The following STK32B variants were observed in gnomAD, a reference collection of about 807,000 sequenced individuals.
STK32B encodes the protein serine/threonine-protein kinase 32B.
STK32B carries 43 observed loss-of-function variants against 52.6 expected under a neutral mutation model. That is an observed-to-expected ratio of 0.82 (90% CI 0.64 to 1.05). The LOEUF is 1.05. Ranked by LOEUF, STK32B falls within the 50% of genes least tolerant of loss-of-function variation. The probability of loss-of-function intolerance (pLI) is 0.00; values close to 1 mark genes in which losing one functional copy is unlikely to be tolerated. For synonymous variants in STK32B, 238 were observed against 204.3 expected (o/e 1.17, Z -1.41); for missense variants, 621 against 534.6 (o/e 1.16, Z -1.59).
At chr4:5,192,711 G>C (rs528483572) in intron 3 of STK32B, among the ~76,000 whole-genome samples, 1 of 149,082 alleles carries the variant, frequency 6.7e-6, no homozygotes, top group Admixed American at 6.7e-5. Context: ...ACCTCACACA[G>C]TCACCTTTTT....
chr4:5,424,905 CCT>C (rs1300453968), intron 6 of STK32B, among the ~76,000 whole-genome samples: 3 of 152,222 alleles, frequency 2.0e-5, no homozygotes, highest in Non-Finnish European at 4.4e-5. Context: ...GCTGTGATGC[CCT>C]CTTTGGGGCT....
intron 3 of STK32B, among the ~76,000 whole-genome samples, chr4:5,255,974 C>T (rs984016338): frequency 1.3e-5 from 2 of 152,038 alleles, no homozygotes; most frequent in Non-Finnish European, 2.9e-5. Flanking sequence ...ACACAGAGCC[C>T]GTAGCATGTG....
chr4:5,451,326 G>T (rs1043459630), intron 7 of STK32B, among the ~76,000 whole-genome samples: 1 of 152,156 alleles, frequency 6.6e-6, no homozygotes, highest in Admixed American at 6.5e-5. Context: ...GGAAGCTAGG[G>T]CTGATTCAAC....
chr4:5,382,945 C>G (rs1034015190), intron 4 of STK32B, among the ~76,000 whole-genome samples: 4 of 152,180 alleles, frequency 2.6e-5, no homozygotes, highest in Non-Finnish European at 5.9e-5. Flanking sequence ...GGCTCTCTGA[C>G]TCTTATGCGT....
Position 5,331,366 on chromosome 4 carries a change from A to G in STK32B, c.407A>G (p.Tyr136Cys). 6.2e-7 allele frequency: 1 copy of G among 1,613,240 alleles called. No homozygotes were observed. The highest frequency in any genetic ancestry group is 8.5e-7 in the Non-Finnish European group (1 of 1,179,574). ...TGTGAGCTGGCACTGGCCCTGGAGTATCTTCAGAGGTACCACATCATCCAC... is the reference window on the plus strand; with the variant it reads ...TGTGAGCTGGCACTGGCCCTGGAGTGTCTTCAGAGGTACCACATCATCCAC... Reference protein sequence around the residue: ...YICELALALEYLQRYHIIHRD... With the variant: ...YICELALALECLQRYHIIHRD... The change falls in exon 4 of 12, where the codon TAT becomes TGT. Residue 136 changes from tyrosine (Y) to cysteine (C), a missense_variant. Tyr to Cys is a radical substitution (Grantham distance 194). Coordinates refer to ENST00000282908, the MANE Select transcript of STK32B (RefSeq NM_018401.3).
chr4:5,029,946 A>G, the STK32B span, among the ~76,000 whole-genome samples: 1 of 152,166 alleles, frequency 6.6e-6, no homozygotes, highest in South Asian at 2.1e-4. Context: ...ATGAGTTTTC[A>G]TGAGATCTGA....
intron 1 of STK32B, among the ~76,000 whole-genome samples, chr4:5,109,170 A>G (rs1220873885): frequency 6.6e-6 from 1 of 152,190 alleles, no homozygotes; most frequent in Non-Finnish European, 1.5e-5. Flanking sequence ...ACATCTCAGA[A>G]TCTCAGGATA....
At chr4:5,489,346 A>T (rs1354861814) in intron 11 of STK32B, among the ~76,000 whole-genome samples, 4 of 152,214 alleles carry the variant, frequency 2.6e-5, no homozygotes, top group African/African-American at 9.6e-5. Context: ...CCTAAGCAAG[A>T]ACCCTAAAGT....
intron 1 of STK32B, among the ~76,000 whole-genome samples, chr4:5,093,772 A>T (rs1161017050): frequency 1.3e-5 from 2 of 152,168 alleles, no homozygotes; most frequent in African/African-American, 4.8e-5. Flanking sequence ...GCCCCTCTAA[A>T]TGTGTATCAC....
At chr4:5,490,819 C>A (rs143310573) in intron 11 of STK32B, among the ~76,000 whole-genome samples, 2 of 151,952 alleles carry the variant, frequency 1.3e-5, no homozygotes, top group African/African-American at 4.8e-5. Flanking sequence ...TGAGAATATG[C>A]GGTGTTTGGT....
chr4:5,151,013 A>G (rs1333149113), intron 2 of STK32B, among the ~76,000 whole-genome samples: 1 of 152,156 alleles, frequency 6.6e-6, no homozygotes, highest in Non-Finnish European at 1.5e-5. Flanking sequence ...AGGACATACT[A>G]CCAAATCTGT....
intron 2 of STK32B, among the ~76,000 whole-genome samples, chr4:5,164,375 T>C (rs569915323): frequency 1.6e-4 from 25 of 152,258 alleles, no homozygotes; most frequent in Non-Finnish European, 2.6e-4. Flanking sequence ...CCTTCTCTTC[T>C]CTTCTAAGGA....
intron 3 of STK32B, among the ~76,000 whole-genome samples, chr4:5,270,067 G>A (rs950354458): frequency 4.6e-5 from 7 of 152,102 alleles, no homozygotes; most frequent in Admixed American, 4.6e-4. Context: ...TTCATTCCTG[G>A]TAAAAAACTC....
chr4:5,323,642 C>G (rs1731672831), intron 3 of STK32B, among the ~76,000 whole-genome samples: 1 of 152,184 alleles, frequency 6.6e-6, no homozygotes, highest in Non-Finnish European at 1.5e-5. Flanking sequence ...GTACAATGCC[C>G]CACTTCTGTG....
intron 4 of STK32B, among the ~76,000 whole-genome samples, chr4:5,356,382 C>T (rs1049358947): frequency 2.0e-5 from 3 of 152,146 alleles, no homozygotes; most frequent in African/African-American, 4.8e-5. Flanking sequence ...TCTTCAAATA[C>T]GCTATGTCCA....
chr4:5,454,996 T>C (rs1654504242), intron 7 of STK32B, among the ~76,000 whole-genome samples: 1 of 152,230 alleles, frequency 6.6e-6, no homozygotes. Flanking sequence ...GTTTTGGTTT[T>C]GCTCTGCCTA....
intron 1 of STK32B, among the ~76,000 whole-genome samples, chr4:5,102,762 C>T (rs186808220): frequency 0.016 from 2,443 of 150,754 alleles, 67 homozygotes; most frequent in African/African-American, 0.054. Flanking sequence ...AGGCTGGTCT[C>T]GAACTCCTGA....
chr4:5,254,778 A>T (rs1201092925), intron 3 of STK32B, among the ~76,000 whole-genome samples: 1 of 152,130 alleles, frequency 6.6e-6, no homozygotes, highest in African/African-American at 2.4e-5. Context: ...CTGGCCTCAC[A>T]GGTGCTATGT....
chr4:5,333,586 C>G (rs758116309), intron 4 of STK32B, among the ~76,000 whole-genome samples: 1 of 152,152 alleles, frequency 6.6e-6, no homozygotes, highest in Non-Finnish European at 1.5e-5. Context: ...CCTAGGTTTT[C>G]TTCTAGAGTT....
Sources: gnomAD v4.1 joint callset for allele counts (sites outside exome capture counted in the v4.1 genomes callset) on GRCh38, gnomAD v4.1.1 for gene constraint, MANE v1.5 for transcripts, NCBI Gene and HGNC (gene_info 2026-07-23, HGNC 2026-07-21) for gene names.